The following RBFOX3 variants were observed in gnomAD, a reference collection of about 807,000 sequenced individuals.
The protein encoded by RBFOX3 is RNA binding protein fox-1 homolog 3.
Under a neutral mutation model 48.7 loss-of-function variants are expected in RBFOX3, and 17 were observed. That is an observed-to-expected ratio of 0.35 (90% CI 0.24 to 0.52). RBFOX3 has a LOEUF of 0.52. RBFOX3 is among the 20% of genes least tolerant of loss of function. RBFOX3 has a pLI of 0.94. For missense variants in RBFOX3, 382 were observed against 497.5 expected (o/e 0.77, Z 2.21); for synonymous variants, 212 against 209.5 (o/e 1.01, Z -0.10).
rs989771813 is a variant in RBFOX3, at chr17:79,563,426, G to A, written c.-320+47400C>T. On this transcript the variant is annotated intron_variant, in intron 1 of 14. Coordinates refer to ENST00000693108, the MANE Select transcript of RBFOX3 (RefSeq NM_001350451.2). ...CCCCACTGCCCTCAGCAGCCCCTTA[G>A]GGGGAAGATGAAGGCAGCCACTTCT... Among the ~76,000 whole-genome samples, 15 of 152,322 alleles carry A rather than the reference G, an allele frequency of 9.8e-5. 1 individual carries two copies. The East Asian group carries it at 2.9e-3, about 29-fold the overall frequency.
chr17:79,289,943 A>C (rs1261121458), intron 3 of RBFOX3, among the ~76,000 whole-genome samples: 1 of 152,184 alleles, frequency 6.6e-6, no homozygotes, highest in African/African-American at 2.4e-5. Context: ...CTACCCCTAA[A>C]ATGGATGAAA....
chr17:79,570,122 A>G (rs973309931), intron 1 of RBFOX3, among the ~76,000 whole-genome samples: 4 of 150,382 alleles, frequency 2.7e-5, no homozygotes, highest in African/African-American at 7.3e-5. Context: ...TAGATTATGG[A>G]TGGTAGATGG....
chr17:79,097,627 C>A, intron 10 of RBFOX3, 65 bp downstream of exon 10: 1 of 1,341,824 alleles, frequency 7.5e-7, no homozygotes, highest in East Asian at 2.6e-5. Context: ...GCCCCCAGAG[C>A]CCCCGGAGCC....
upstream of RBFOX3, among the ~76,000 whole-genome samples, chr17:79,614,293 C>T (rs1373464270): frequency 6.6e-6 from 1 of 152,250 alleles, no homozygotes; most frequent in Non-Finnish European, 1.5e-5. Flanking sequence ...GCGTCCTGCA[C>T]GGAGAGCCCC....
chr17:79,462,883 ACT>A (rs1396963182), intron 2 of RBFOX3, among the ~76,000 whole-genome samples: 15 of 152,122 alleles, frequency 9.9e-5, no homozygotes, highest in Non-Finnish European at 1.5e-5. Flanking sequence ...CTTCTGGGAC[ACT>A]CTCAGCCCAA....
chr17:79,638,918 C>A, the RBFOX3 span, among the ~76,000 whole-genome samples: 72,254 of 151,976 alleles, frequency 0.48, 20,605 homozygotes, highest in Non-Finnish European at 0.63. Flanking sequence ...CCAAATAAAT[C>A]TCTTTTCTTT....
intron 3 of RBFOX3, among the ~76,000 whole-genome samples, chr17:79,300,521 G>A (rs963714274): frequency 3.3e-5 from 5 of 152,172 alleles, no homozygotes; most frequent in Non-Finnish European, 7.3e-5. Context: ...CCTGGAGGAG[G>A]GGAGAATCTG....
At chr17:79,568,015 C>T (rs1279960353) in intron 1 of RBFOX3, among the ~76,000 whole-genome samples, 1 of 152,290 alleles carries the variant, frequency 6.6e-6, no homozygotes, top group African/African-American at 2.4e-5. Context: ...GCTCCCAGAA[C>T]AGCATGGGTG....
chr17:79,276,826 C>T (rs1477692685), intron 3 of RBFOX3, among the ~76,000 whole-genome samples: 1 of 152,210 alleles, frequency 6.6e-6, no homozygotes, highest in African/African-American at 2.4e-5. Context: ...TACAACAGCT[C>T]TCTGAGGGAG....
At chr17:79,221,125 G>C (rs145894879) in intron 4 of RBFOX3, among the ~76,000 whole-genome samples, 60 of 152,332 alleles carry the variant, frequency 3.9e-4, no homozygotes, top group African/African-American at 1.4e-3. Context: ...GATGCCGGCT[G>C]AGCGCTGTTG....
At position 79,089,768 on chromosome 17, in the gene RBFOX3, T is replaced by A. The variant is rs1346800180; in HGVS notation, c.*1115A>T. ...TCCTCCCTGCCACCTGCTCTGCTCC[T>A]GCTCCTCCCACCGGGTAAGCCTGGC... On this transcript the variant is annotated 3_prime_UTR_variant, in exon 15 of 15. Transcript: ENST00000693108. 6 of 152,712 alleles carry A rather than the reference T, an allele frequency of 3.9e-5. No homozygotes were observed. Among genetic ancestry groups the A allele is most frequent in the Admixed American group, 1.3e-4 (2 of 15,288 alleles). 9.5% of individuals were successfully genotyped at this position (152,712 alleles called of 1,614,324 possible). A position where few individuals can be genotyped will look rare whatever the true frequency, so the allele number is the denominator to read the frequency against.
chr17:79,166,092 T>C (rs1250889923), intron 4 of RBFOX3, among the ~76,000 whole-genome samples: 1 of 152,198 alleles, frequency 6.6e-6, no homozygotes, highest in Non-Finnish European at 1.5e-5. Flanking sequence ...GAGTTGTGAT[T>C]GGAACTAGGT....
chr17:79,387,893 AGTGT>A (rs902567896), intron 2 of RBFOX3, among the ~76,000 whole-genome samples: 3 of 148,214 alleles, frequency 2.0e-5, no homozygotes, highest in African/African-American at 7.4e-5. Flanking sequence ...CATGTGCAAG[AGTGT>A]GTGATTGTGT....
rs555966959 is a variant in RBFOX3 at position 79,282,395 on chromosome 17, G to T, written c.-74+25329C>A. ...CTGATGCATTTCCTTTTTAGAAAAG[G>T]GTTCTTTTCTGCTCTCGGGAGCTTA... On this transcript the variant is annotated intron_variant, in intron 3 of 14. Transcript: ENST00000693108. Among the ~76,000 whole-genome samples the T allele has an allele frequency of 6.6e-5, 10 of 152,324 alleles. No homozygotes were observed. In the South Asian group the frequency reaches 8.3e-4, roughly 13 times the overall value.
intron 2 of RBFOX3, among the ~76,000 whole-genome samples, chr17:79,437,263 C>T (rs1555731720): frequency 6.6e-6 from 1 of 152,220 alleles, no homozygotes; most frequent in African/African-American, 2.4e-5. Context: ...CTGCTGCCGG[C>T]TGGCCCTGAC....
At chr17:79,206,884 T>G (rs2057574683) in intron 4 of RBFOX3, among the ~76,000 whole-genome samples, 1 of 152,194 alleles carries the variant, frequency 6.6e-6, no homozygotes, top group Non-Finnish European at 1.5e-5. Context: ...CCCATCTCAT[T>G]GACTCAATAG....
intron 4 of RBFOX3, among the ~76,000 whole-genome samples, chr17:79,164,391 TGCTGGACTGTCCTTG>T (rs1278400990): frequency 6.6e-6 from 1 of 152,006 alleles, no homozygotes; most frequent in East Asian, 1.9e-4. Context: ...AAGATACAGG[TGCTGGACTGTCCTTG>T]GCTGTGCAGT....
intron 2 of RBFOX3, among the ~76,000 whole-genome samples, chr17:79,325,546 G>A (rs982821732): frequency 6.6e-6 from 1 of 152,190 alleles, no homozygotes; most frequent in East Asian, 1.9e-4. Flanking sequence ...CCTTGGAATG[G>A]AGGGAAAAGG....
intron 1 of RBFOX3, among the ~76,000 whole-genome samples, chr17:79,549,939 A>T (rs1555793110): frequency 1.3e-5 from 2 of 152,074 alleles, no homozygotes; most frequent in Non-Finnish European, 2.9e-5. Context: ...GACCACACAC[A>T]CCAAAAAAAA....
Sources: allele counts gnomAD v4.1 joint callset (sites outside exome capture counted in the v4.1 genomes callset), GRCh38; gene constraint gnomAD v4.1.1; transcripts MANE v1.5; gene names NCBI Gene and HGNC (gene_info 2026-07-23, HGNC 2026-07-21).